The following RICTOR variants were observed in gnomAD, a reference collection of about 807,000 sequenced individuals.
RICTOR encodes the protein RPTOR independent companion of MTOR complex 2.
In RICTOR, 49 loss-of-function variants were observed where a neutral mutation model predicts 214.9. The ratio of observed to expected loss-of-function variants is 0.23; its 90% CI spans 0.18 to 0.29. The LOEUF (loss-of-function observed/expected upper bound fraction) is 0.29. Ranked by LOEUF, RICTOR falls within the 10% of genes least tolerant of loss-of-function variation. RICTOR has a pLI of 1.00. For missense variants in RICTOR, 1,625 were observed against 2,047.0 expected (o/e 0.79, Z 3.98); for synonymous variants, 717 against 711.3 (o/e 1.01, Z -0.13).
chr5:39,061,257 A>G (rs1460937862), intron 2 of RICTOR, among the ~76,000 whole-genome samples: 2 of 148,334 alleles, frequency 1.3e-5, no homozygotes, highest in Non-Finnish European at 3.0e-5. Context: ...GCAAACACTT[A>G]CCAAATAAAA....
At chr5:38,977,681 C>T (rs1337478361) in intron 9 of RICTOR, among the ~76,000 whole-genome samples, 2 of 149,246 alleles carry the variant, frequency 1.3e-5, no homozygotes, top group African/African-American at 5.0e-5. Flanking sequence ...ATGCAAACTC[C>T]GCCTCCCAGG....
chr5:39,060,535 C>T (rs1037305505), intron 2 of RICTOR, among the ~76,000 whole-genome samples: 2 of 151,918 alleles, frequency 1.3e-5, no homozygotes, highest in Non-Finnish European at 2.9e-5. Context: ...AATAAATTGT[C>T]TTCACCCCAC....
chr5:38,949,613 T>C (rs1316131492), intron 31 of RICTOR, 99 bp downstream of exon 31: 10 of 1,132,840 alleles, frequency 8.8e-6, no homozygotes, highest in Non-Finnish European at 1.2e-5. Context: ...AATAGGTCAG[T>C]GATGAGGCTC....
In RICTOR at chr5:38,945,073, A is replaced by G. The variant is rs1419033906; in HGVS notation, c.4634-5T>C. ...AATATGGAATATCTTGAAAGTCTGA[A>G]GAAAAAAATAATTATTTCAATTAAA... On this transcript the variant is annotated splice_polypyrimidine_tract_variant and splice_region_variant and intron_variant, in intron 34 of 37. Coordinates refer to ENST00000357387, the MANE Select transcript of RICTOR (RefSeq NM_152756.5). The G allele has an allele frequency of 3.8e-6, 6 of 1,580,618 alleles. No homozygotes were observed. The highest frequency in any genetic ancestry group is 5.2e-6 in the Non-Finnish European group (6 of 1,157,842).
intron 34 of RICTOR, 86 bp downstream of exon 34, chr5:38,945,405 A>G (rs1247905347): frequency 2.3e-6 from 2 of 881,184 alleles, no homozygotes; most frequent in Non-Finnish European, 3.6e-6. Flanking sequence ...ACTCTGAATT[A>G]GAATACCAAA....
At chr5:39,053,727 C>A (rs1261744393) in intron 2 of RICTOR, among the ~76,000 whole-genome samples, 2 of 151,114 alleles carry the variant, frequency 1.3e-5, no homozygotes, top group Non-Finnish European at 2.9e-5. Context: ...CCCGTCTCTA[C>A]TAAAAATACA....
chr5:38,991,430 T>G (rs890527344), intron 6 of RICTOR, among the ~76,000 whole-genome samples: 9 of 152,122 alleles, frequency 5.9e-5, no homozygotes, highest in Non-Finnish European at 4.4e-5. Context: ...GTAGTCAATA[T>G]ACTACTGTAC....
intron 30 of RICTOR, among the ~76,000 whole-genome samples, chr5:38,951,730 C>A (rs1235160793): frequency 6.6e-6 from 1 of 151,892 alleles, no homozygotes; most frequent in East Asian, 1.9e-4. Context: ...TTATATATAA[C>A]TATTTTTGTT....
In RICTOR at chr5:38,990,702, CAGATATG is replaced by C. The variant is rs752579402; in HGVS notation, c.583+240_583+246del. Among the ~76,000 whole-genome samples, 32 of 103,344 alleles carry C rather than the reference CAGATATG, an allele frequency of 3.1e-4. 2 individuals carry two copies. Among genetic ancestry groups the C allele is most frequent in the South Asian group, 1.2e-3 (4 of 3,426 alleles). The allele number at this position is 103,344 out of a possible 152,430, so 67.8% of individuals were successfully genotyped here. On this transcript the variant is annotated intron_variant, in intron 7 of 37. Transcript: ENST00000357387. ...GATATATCATATATATGATATATAT[CAGATATG>C]ATATATATGATATATATCATATATA...
At chr5:39,069,660 A>G (rs1176578845) in intron 2 of RICTOR, among the ~76,000 whole-genome samples, 1 of 152,198 alleles carries the variant, frequency 6.6e-6, no homozygotes, top group Non-Finnish European at 1.5e-5. Flanking sequence ...AGCAAATTAG[A>G]TAATTCTTCC....
At chr5:39,024,080 A>T (rs1327103780) in intron 2 of RICTOR, among the ~76,000 whole-genome samples, 1 of 152,170 alleles carries the variant, frequency 6.6e-6, no homozygotes, top group Non-Finnish European at 1.5e-5. Context: ...GATTCTCATA[A>T]GGAGTGCGCA....
intron 2 of RICTOR, among the ~76,000 whole-genome samples, chr5:39,064,073 G>A (rs1231188007): frequency 1.3e-5 from 2 of 152,040 alleles, no homozygotes; most frequent in African/African-American, 4.8e-5. Context: ...CTTATATTTA[G>A]GTTCTCTTTC....
chr5:38,953,588 T>A (rs576557287), intron 27 of RICTOR, 35 bp from the exon 28 acceptor site: 2 of 673,666 alleles, frequency 3.0e-6, no homozygotes, highest in South Asian at 6.1e-5. Context: ...TGAGTAATAA[T>A]ATATTTATGT....
At chr5:38,975,667 C>T in intron 9 of RICTOR, 63 bp from the exon 10 acceptor site, 1 of 1,204,300 alleles carries the variant, frequency 8.3e-7, no homozygotes, top group South Asian at 1.2e-5. Context: ...TGAGTTTTTT[C>T]CTGCTACTAA....
chr5:39,040,400 G>A (rs1488491462), intron 2 of RICTOR, among the ~76,000 whole-genome samples: 1 of 151,716 alleles, frequency 6.6e-6, no homozygotes, highest in African/African-American at 2.4e-5. Flanking sequence ...ACACCAAGAT[G>A]GCACATGTGT....
At chr5:38,966,997 C>A in intron 14 of RICTOR, 164 bp downstream of exon 14, 1 of 678,772 alleles carries the variant, frequency 1.5e-6, no homozygotes, top group Non-Finnish European at 2.6e-6. Context: ...GACACAGTTT[C>A]ACCATGTTGG....
chr5:38,963,880 G>A (rs1320122383), intron 16 of RICTOR, among the ~76,000 whole-genome samples: 2 of 151,860 alleles, frequency 1.3e-5, no homozygotes, highest in Non-Finnish European at 2.9e-5. Context: ...TAAGCCTAGA[G>A]ACAGAACTGA....
At chr5:38,997,504 T>TA (rs1753264768) in intron 5 of RICTOR, among the ~76,000 whole-genome samples, 6 of 152,176 alleles carry the variant, frequency 3.9e-5, no homozygotes, top group Admixed American at 3.9e-4. Flanking sequence ...TATATATAGA[T>TA]AGTCTGTGAT....
chr5:38,956,846 C>G (rs1407165916), intron 25 of RICTOR, among the ~76,000 whole-genome samples: 1 of 152,068 alleles, frequency 6.6e-6, no homozygotes, highest in African/African-American at 2.4e-5. Context: ...TCATCAAATA[C>G]TAAAAGACTT....
Sources: allele counts gnomAD v4.1 joint callset (sites outside exome capture counted in the v4.1 genomes callset), GRCh38; gene constraint gnomAD v4.1.1; transcripts MANE v1.5; gene names NCBI Gene and HGNC (gene_info 2026-07-23, HGNC 2026-07-21).